The following TENM3 variants were observed in gnomAD, a reference collection of about 807,000 sequenced individuals.
The protein encoded by TENM3 is teneurin transmembrane protein 3.
TENM3 carries 63 observed loss-of-function variants against 255.1 expected under a neutral mutation model. That is an observed-to-expected ratio of 0.25 (90% CI 0.20 to 0.30). The LOEUF is 0.30. Ranked by LOEUF, TENM3 falls within the 10% of genes least tolerant of loss-of-function variation. The pLI, the probability that TENM3 is intolerant of heterozygous loss-of-function variation, is 1.00. For missense variants in TENM3, 2,929 were observed against 3,461.1 expected (o/e 0.85, Z 3.86); for synonymous variants, 1,306 against 1,322.3 (o/e 0.99, Z 0.27).
chr4:182,033,925 G>A, the TENM3 span, among the ~76,000 whole-genome samples: 5 of 152,036 alleles, frequency 3.3e-5, no homozygotes, highest in Non-Finnish European at 7.4e-5. Context: ...AAGCCTATAT[G>A]TGTCTTTGCC....
chr4:181,620,524 C>A, the TENM3 span, among the ~76,000 whole-genome samples: 1 of 152,034 alleles, frequency 6.6e-6, no homozygotes, highest in Non-Finnish European at 1.5e-5. Context: ...CACAGGTCAG[C>A]CCCGCATTGT....
the TENM3 span, among the ~76,000 whole-genome samples, chr4:181,593,517 T>C: frequency 6.6e-6 from 1 of 152,208 alleles, no homozygotes; most frequent in Non-Finnish European, 1.5e-5. Flanking sequence ...GTACATATGG[T>C]ACTCCTGAAA....
intron 5 of TENM3, among the ~76,000 whole-genome samples, chr4:182,629,630 C>T (rs1751163982): frequency 6.6e-6 from 1 of 151,996 alleles, no homozygotes; most frequent in South Asian, 2.1e-4. Flanking sequence ...AAAGGCCTAC[C>T]ACATTGAAAT....
At chr4:182,096,561 A>G in the TENM3 span, among the ~76,000 whole-genome samples, 1 of 152,234 alleles carries the variant, frequency 6.6e-6, no homozygotes, top group African/African-American at 2.4e-5. Flanking sequence ...AATTAGCAGC[A>G]ATGGATGCGA....
At chr4:182,537,125 AT>A (rs1216631451) in intron 3 of TENM3, among the ~76,000 whole-genome samples, 1 of 152,178 alleles carries the variant, frequency 6.6e-6, no homozygotes, top group African/African-American at 2.4e-5. Context: ...CTCTGATAAT[AT>A]CTGCCATTTC....
At chr4:181,665,527 G>C in the TENM3 span, among the ~76,000 whole-genome samples, 1 of 151,940 alleles carries the variant, frequency 6.6e-6, no homozygotes, top group African/African-American at 2.4e-5. Flanking sequence ...CATCGCGTGC[G>C]TGTGTGTATA....
the TENM3 span, among the ~76,000 whole-genome samples, chr4:182,129,536 A>G: frequency 6.6e-6 from 1 of 152,156 alleles, no homozygotes; most frequent in Non-Finnish European, 1.5e-5. Context: ...AGACTATAAT[A>G]GATCACCCAT....
At chr4:182,279,651 G>C (rs962943304) in intron 1 of TENM3, among the ~76,000 whole-genome samples, 2 of 152,168 alleles carry the variant, frequency 1.3e-5, no homozygotes, top group Non-Finnish European at 2.9e-5. Context: ...TATATAGTCT[G>C]TGTTTTCTTT....
the TENM3 span, among the ~76,000 whole-genome samples, chr4:181,483,292 A>T: frequency 6.6e-6 from 1 of 152,066 alleles, no homozygotes; most frequent in Non-Finnish European, 1.5e-5. Context: ...CTGCTGTGAC[A>T]CTTCTCTGGT....
At chr4:182,510,601 A>C (rs1737297482) in intron 3 of TENM3, among the ~76,000 whole-genome samples, 1 of 152,188 alleles carries the variant, frequency 6.6e-6, no homozygotes, top group Non-Finnish European at 1.5e-5. Context: ...TGAATCTTAC[A>C]ATCAATGACA....
intron 5 of TENM3, among the ~76,000 whole-genome samples, chr4:182,651,974 A>G (rs1008285623): frequency 7.2e-5 from 11 of 152,346 alleles, no homozygotes; most frequent in African/African-American, 2.4e-4. Context: ...TTCAGACAGC[A>G]TTATAGTAAA....
intron 13 of TENM3, among the ~76,000 whole-genome samples, chr4:182,719,123 C>T (rs1160434943): frequency 6.6e-6 from 1 of 151,976 alleles, no homozygotes; most frequent in East Asian, 1.9e-4. Context: ...TGGAGACTGG[C>T]TGGTTGAGGG....
intron 4 of TENM3, among the ~76,000 whole-genome samples, chr4:182,623,270 C>T (rs974391027): frequency 6.6e-6 from 1 of 151,876 alleles, no homozygotes; most frequent in African/African-American, 2.4e-5. Flanking sequence ...GTCCCCGCCT[C>T]CCTAAGTGCT....
At chr4:181,785,084 A>C in the TENM3 span, among the ~76,000 whole-genome samples, 2 of 152,178 alleles carry the variant, frequency 1.3e-5, no homozygotes, top group African/African-American at 4.8e-5. Flanking sequence ...AGCTAAGAGG[A>C]TTTAGAAAAG....
chr4:182,075,201 T>TTTTC, the TENM3 span, among the ~76,000 whole-genome samples: 116 of 36,904 alleles, frequency 3.1e-3, 2 homozygotes, highest in African/African-American at 0.028. Flanking sequence ...GTTTTTTTTC[T>TTTTC]TTTTTTTTTT....
the TENM3 span, among the ~76,000 whole-genome samples, chr4:181,798,010 C>G: frequency 1.3e-5 from 2 of 152,018 alleles, no homozygotes; most frequent in Non-Finnish European, 2.9e-5. Context: ...ACTGTTCTAT[C>G]TTTTATCATT....
At chr4:181,595,444 A>AAAAAAAAAAAAC in the TENM3 span, among the ~76,000 whole-genome samples, 11 of 129,570 alleles carry the variant, frequency 8.5e-5, no homozygotes, top group African/African-American at 3.2e-4. Context: ...AAAAAAAAAA[A>AAAAAAAAAAAAC]AAAAAAAAAA....
At chr4:182,191,367 G>T (rs557967849) in intron 1 of TENM3, among the ~76,000 whole-genome samples, 1 of 151,934 alleles carries the variant, frequency 6.6e-6, no homozygotes, top group Non-Finnish European at 1.5e-5. Context: ...CTTTTCTCCG[G>T]CTCTCTCCTC....
At chr4:181,918,625 A>C in the TENM3 span, among the ~76,000 whole-genome samples, 3 of 152,310 alleles carry the variant, frequency 2.0e-5, no homozygotes, top group South Asian at 6.2e-4. Context: ...CTTTGGGCAG[A>C]CATGACTTTA....
Sources: allele counts gnomAD v4.1 joint callset (sites outside exome capture counted in the v4.1 genomes callset), GRCh38; gene constraint gnomAD v4.1.1; transcripts MANE v1.5; gene names NCBI Gene and HGNC (gene_info 2026-07-23, HGNC 2026-07-21).